The following LIMCH1 variants were observed in gnomAD, a reference collection of about 807,000 sequenced individuals.
LIMCH1 encodes the protein LIM and calponin homology domains 1.
Under a neutral mutation model 176.5 loss-of-function variants are expected in LIMCH1, and 113 were observed. That is an observed-to-expected ratio of 0.64 (90% confidence interval 0.55 to 0.75). The LOEUF is 0.75. Among genes scored for constraint, LIMCH1 ranks in the 30% least tolerant of loss-of-function variants. The pLI is 0.00. For missense variants in LIMCH1, 1,674 were observed against 1,814.9 expected (o/e 0.92, Z 1.41); for synonymous variants, 619 against 645.9 (o/e 0.96, Z 0.63).
chr4:41,636,055 C>T (rs1391932792), intron 13 of LIMCH1, among the ~76,000 whole-genome samples: 4 of 152,004 alleles, frequency 2.6e-5, no homozygotes, highest in Admixed American at 2.6e-4. Context: ...CACAGGCGTA[C>T]ACCACTACAC....
At chr4:41,563,683 A>G (rs577917417) in intron 1 of LIMCH1, among the ~76,000 whole-genome samples, 1 of 152,308 alleles carries the variant, frequency 6.6e-6, no homozygotes, top group African/African-American at 2.4e-5. Context: ...CCATCCTGCA[A>G]AAAATGAACA....
intron 1 of LIMCH1, among the ~76,000 whole-genome samples, chr4:41,455,196 A>G (rs1401205087): frequency 1.3e-5 from 2 of 152,234 alleles, no homozygotes; most frequent in Non-Finnish European, 2.9e-5. Context: ...GGAGGCTGCT[A>G]TCAATTATAG....
intron 31 of LIMCH1, among the ~76,000 whole-genome samples, chr4:41,693,737 G>A (rs1029917832): frequency 2.0e-5 from 3 of 151,912 alleles, no homozygotes; most frequent in East Asian, 1.9e-4. Context: ...TTTTCCTATC[G>A]TCTTCTATAA....
Position 41,377,450 on chromosome 4 carries a change from G to A in LIMCH1, c.96+16514G>A, listed in dbSNP as rs576686436. 1.1e-4 allele frequency among the ~76,000 whole-genome samples: 17 copies of A among 152,298 alleles called. No individual in the cohort carries two copies. In the South Asian group the frequency reaches 3.3e-3, roughly 30 times the overall value. ...GGAAAGGGCATTCTGCTCACAGTGC[G>A]AGGGGAGAGGAGTGGATATTTTTCC... On this transcript the variant is annotated intron_variant, in intron 1 of 26. Transcript: ENST00000313860.
At position 41,685,725 on chromosome 4, in the gene LIMCH1, A is replaced by C. The variant is rs1208586939; in HGVS notation, c.3983A>C (p.Gln1328Pro). 1.2e-6 allele frequency: 2 copies of C among 1,613,668 alleles called. No homozygotes were observed. Among genetic ancestry groups the C allele is most frequent in the Non-Finnish European group, 1.7e-6 (2 of 1,179,670 alleles). The change falls in exon 28 of 32, where the codon CAG (glutamine) becomes CCG (proline). Residue 1328 changes from glutamine to proline, a missense_variant. By Grantham distance (76) the Gln-to-Pro change is moderately conservative (BLOSUM62 -1). Around this residue, in one of 3 missense-constraint regions of LIMCH1, gnomAD observed 1,015 missense variants for 1,102.5 expected, o/e 0.92. Transcript: ENST00000503057. ...PQLAQDPSQN[Q>P]QTSNPTHSSE... ...TTGGCCTCAGATCCATCCCAGAATCAGCAGACATCAAATCCAACGCACAGT... is the reference window on the plus strand; with the variant it reads ...TTGGCCTCAGATCCATCCCAGAATCCGCAGACATCAAATCCAACGCACAGT...
At chr4:41,444,349 CACACAT>C (rs1184478982) in intron 1 of LIMCH1, among the ~76,000 whole-genome samples, 22 of 134,976 alleles carry the variant, frequency 1.6e-4, no homozygotes, top group Non-Finnish European at 3.1e-4. Context: ...CACACACACA[CACACAT>C]ATATAGAGTG....
intron 1 of LIMCH1, among the ~76,000 whole-genome samples, chr4:41,461,732 G>A (rs2065393174): frequency 6.6e-6 from 1 of 152,152 alleles, no homozygotes; most frequent in South Asian, 2.1e-4. Flanking sequence ...AAATTTTTTT[G>A]AGGATTTAGA....
intron 1 of LIMCH1, among the ~76,000 whole-genome samples, chr4:41,478,010 C>T (rs930218817): frequency 6.6e-6 from 1 of 152,138 alleles, no homozygotes; most frequent in Non-Finnish European, 1.5e-5. Flanking sequence ...TAGCATTTCT[C>T]GCCACAGTGT....
chr4:41,689,267 C>T (rs538814147), intron 29 of LIMCH1, among the ~76,000 whole-genome samples: 4 of 152,230 alleles, frequency 2.6e-5, no homozygotes, highest in African/African-American at 9.6e-5. Flanking sequence ...CTTCTTGAAA[C>T]AAATAACCTA....
In LIMCH1 at chr4:41,666,678, A is replaced by G; in HGVS notation, c.3397+12A>G. The G allele has an allele frequency of 3.8e-6, 6 of 1,569,852 alleles. No homozygotes were observed. In the South Asian group the frequency reaches 5.5e-5, roughly 15 times the overall value. On this transcript the variant is annotated intron_variant, in intron 21 of 31. Transcript: ENST00000503057. ...TCTCAATTCTCAAGGTAAAGAGGAC[A>G]TGTTTTATTTTAGGTCTGCATGTTC...
rs767024736 is a variant in LIMCH1, at chr4:41,646,474, A to T, written c.2412-11A>T. ...AGTTGACTTTGTTATTGCTTCTCCC[A>T]TGTCCTTTAGAGAGCGGAGAGAGAG... On this transcript the variant is annotated splice_polypyrimidine_tract_variant and intron_variant, in intron 16 of 31. Coordinates refer to ENST00000503057, the MANE Select transcript of LIMCH1 (RefSeq NM_001330672.2). The T allele has an allele frequency of 6.2e-7, 1 of 1,607,736 alleles. No individual in the cohort carries two copies. The highest frequency in any genetic ancestry group is 8.5e-7 in the Non-Finnish European group (1 of 1,175,964).
intron 1 of LIMCH1, among the ~76,000 whole-genome samples, chr4:41,590,862 A>T (rs1264081147): frequency 1.3e-5 from 2 of 152,170 alleles, no homozygotes; most frequent in Non-Finnish European, 1.5e-5. Context: ...CTGGAGTGTG[A>T]CTGTTACCCA....
chr4:41,438,700 T>TG (rs1195216539), intron 1 of LIMCH1, among the ~76,000 whole-genome samples: 3 of 152,094 alleles, frequency 2.0e-5, no homozygotes, highest in South Asian at 2.1e-4. Flanking sequence ...ATTTTTTTTT[T>TG]TTGTTTTGCT....
rs1230720345 is a variant in LIMCH1 at position 41,620,544 on chromosome 4, C to T, written c.579C>T (p.Gly193=). ...ATGGTGGGTGTGAATTACCTGACGG[C>T]AGTGGTAAGGAGCACCCTTCTTCAG... ...PSDGGCELPD[G]SGKEHPSSDG... Residue 193 remains glycine (G), a synonymous_variant, in exon 7 of 32, where the codon GGC becomes GGT. Transcript: ENST00000503057. The T allele has an allele frequency of 1.3e-6, 2 of 1,536,366 alleles. No individual in the cohort carries two copies. The highest frequency in any genetic ancestry group is 2.4e-5 in the East Asian group (1 of 40,920).
chr4:41,403,180 C>T (rs1430619970), intron 1 of LIMCH1, among the ~76,000 whole-genome samples: 1 of 150,626 alleles, frequency 6.6e-6, no homozygotes, highest in African/African-American at 2.4e-5. Context: ...ATCCAATAGA[C>T]ATTTTATTAC....
chr4:41,517,776 G>A (rs1176228861), intron 2 of LIMCH1, among the ~76,000 whole-genome samples: 1 of 151,734 alleles, frequency 6.6e-6, no homozygotes, highest in Non-Finnish European at 1.5e-5. Flanking sequence ...AGGTTAAATT[G>A]ATCTCATGCT....
intron 1 of LIMCH1, among the ~76,000 whole-genome samples, chr4:41,459,167 AGTAAT>A (rs1278654226): frequency 5.3e-5 from 8 of 152,200 alleles, no homozygotes; most frequent in Non-Finnish European, 7.3e-5. Flanking sequence ...GTTTCATGGC[AGTAAT>A]TACAAGGATA....
Position 41,644,620 on chromosome 4 carries a change from G to T in LIMCH1, c.2247G>T (p.Trp749Cys). ...NNQLREEDDKWQDDLARWKSR... is the reference protein window; with the variant it reads ...NNQLREEDDKCQDDLARWKSR... ...AGCTGAGGGAAGAGGACGACAAATGGCAAGATGTGAGTTGTGGCCAAGGCG... is the reference window on the plus strand; with the variant it reads ...AGCTGAGGGAAGAGGACGACAAATGTCAAGATGTGAGTTGTGGCCAAGGCG... Residue 749 changes from tryptophan to cysteine, a missense_variant, in exon 15 of 32, where the codon TGG becomes TGT. Physicochemically the swap from Trp to Cys is radical, Grantham distance 215 (BLOSUM62 -2). Around this residue, in one of 3 missense-constraint regions of LIMCH1, gnomAD observed 1,015 missense variants for 1,102.5 expected, o/e 0.92. Coordinates refer to ENST00000503057, the MANE Select transcript of LIMCH1 (RefSeq NM_001330672.2). 1 of 1,610,960 alleles carries T rather than the reference G, an allele frequency of 6.2e-7. No individual in the cohort carries two copies. The highest frequency in any genetic ancestry group is 8.5e-7 in the Non-Finnish European group (1 of 1,178,468).
chr4:41,641,418 A>C (rs2093818703), intron 14 of LIMCH1, among the ~76,000 whole-genome samples: 1 of 151,742 alleles, frequency 6.6e-6, no homozygotes, highest in Non-Finnish European at 1.5e-5. Flanking sequence ...TATATCACTC[A>C]TAGGTTTGTT....
Sources: gnomAD v4.1 joint callset for allele counts (sites outside exome capture counted in the v4.1 genomes callset) on GRCh38, gnomAD v4.1.1 for gene constraint, gnomAD v4.1.1 regional missense constraint, MANE v1.5 for transcripts, NCBI Gene and HGNC (gene_info 2026-07-23, HGNC 2026-07-21) for gene names.